The following MARCHF8 variants were observed in gnomAD, a reference collection of about 807,000 sequenced individuals.
MARCHF8 encodes the protein membrane associated ring-CH-type finger 8.
MARCHF8 carries 40 observed loss-of-function variants against 51.6 expected under a neutral mutation model. The ratio of observed to expected loss-of-function variants is 0.77; its 90% CI spans 0.60 to 1.01. MARCHF8 has a LOEUF of 1.01. MARCHF8 is among the 50% of genes least tolerant of loss of function. MARCHF8 has a pLI of 0.00. For synonymous variants in MARCHF8, 263 were observed against 280.3 expected, an observed-to-expected ratio of 0.94 and a Z score of 0.62; for missense variants, 685 against 708.6, an observed-to-expected ratio of 0.97 and a Z score of 0.38.
Position 45,463,417 on chromosome 10 carries a change from C to T in MARCHF8, c.822G>A (p.Leu274=), listed in dbSNP as rs1482272191. The change falls in exon 5 of 8, where the codon CTG becomes CTA. Residue 274 remains leucine, a synonymous_variant. Coordinates refer to ENST00000453424, the MANE Select transcript of MARCHF8 (RefSeq NM_001282866.2). ...AGCTCTCCAGCTCATGGAACCTGTG[C>T]AGGCTGCTGGCGCTCAAGCCGTGCG... The part of the protein sequence containing the change: ...SLSHGLSASS[L]HRFHELESCA... 1.8e-5 allele frequency: 28 copies of T among 1,550,646 alleles called. No homozygotes were observed. The highest frequency in any genetic ancestry group is 5.9e-5 in the Admixed American group (3 of 51,014).
upstream of MARCHF8, among the ~76,000 whole-genome samples, chr10:45,538,749 T>A (rs2044009609): frequency 6.6e-6 from 1 of 152,166 alleles, no homozygotes; most frequent in African/African-American, 2.4e-5. Flanking sequence ...AAGGGATCAA[T>A]TCAACAAGAA....
intron 2 of MARCHF8, among the ~76,000 whole-genome samples, chr10:45,499,673 T>C (rs529931697): frequency 3.3e-5 from 5 of 152,292 alleles, no homozygotes; most frequent in African/African-American, 1.2e-4. Flanking sequence ...CCCACCAATA[T>C]CATTTGTTGA....
chr10:45,542,517 C>T (rs2044068167), intron 1 of MARCHF8, among the ~76,000 whole-genome samples: 1 of 152,002 alleles, frequency 6.6e-6, no homozygotes, highest in Non-Finnish European at 1.5e-5. Flanking sequence ...CTCCAAGCCT[C>T]GATGGGAGTA....
At chr10:45,497,358 T>G (rs949732575) in intron 2 of MARCHF8, among the ~76,000 whole-genome samples, 1 of 152,108 alleles carries the variant, frequency 6.6e-6, no homozygotes, top group Admixed American at 6.6e-5. Flanking sequence ...ACTTGCAGAC[T>G]TCAAAATCCT....
chr10:45,551,438 A>G (rs1281053814), intron 1 of MARCHF8, among the ~76,000 whole-genome samples: 1 of 151,672 alleles, frequency 6.6e-6, no homozygotes, highest in Non-Finnish European at 1.5e-5. Flanking sequence ...GGGTTTCACT[A>G]TGTTGCCTAG....
chr10:45,475,407 G>C (rs1278488604), intron 3 of MARCHF8, among the ~76,000 whole-genome samples: 5 of 83,328 alleles, frequency 6.0e-5, no homozygotes, highest in East Asian at 2.7e-4. Context: ...TGCATCCCCG[G>C]GGGGGGCTGA....
At chr10:45,538,779 T>C (rs1434497114), upstream of MARCHF8, among the ~76,000 whole-genome samples, 1 of 152,316 alleles carries the variant, frequency 6.6e-6, no homozygotes. Flanking sequence ...ATCCTAAATA[T>C]ATATGCACCC....
intron 2 of MARCHF8, among the ~76,000 whole-genome samples, chr10:45,515,943 G>T (rs2043611025): frequency 6.6e-6 from 1 of 152,176 alleles, no homozygotes; most frequent in African/African-American, 2.4e-5. Flanking sequence ...TCAACATTCT[G>T]TAATCCCCTC....
chr10:45,575,513 A>G (rs1209729580), intron 1 of MARCHF8, among the ~76,000 whole-genome samples: 1 of 152,102 alleles, frequency 6.6e-6, no homozygotes, highest in Non-Finnish European at 1.5e-5. Context: ...ACAACCCCAC[A>G]ATATCACCTC....
intron 3 of MARCHF8, among the ~76,000 whole-genome samples, chr10:45,474,965 C>T (rs2042759789): frequency 1.3e-5 from 2 of 152,148 alleles, no homozygotes; most frequent in Non-Finnish European, 1.5e-5. Context: ...GGAGGGAGCT[C>T]GTGATGGGTC....
At chr10:45,536,835 A>AAATAATAATAAT (rs60341718), upstream of MARCHF8, among the ~76,000 whole-genome samples, 281 of 134,818 alleles carry the variant, frequency 2.1e-3, 1 homozygote, top group Admixed American at 3.6e-3. Flanking sequence ...ATCTCTACCA[A>AAATAATAATAAT]AATAATAATA....
intron 1 of MARCHF8, among the ~76,000 whole-genome samples, chr10:45,543,804 A>G (rs1201882393): frequency 3.3e-5 from 5 of 151,038 alleles, no homozygotes; most frequent in Non-Finnish European, 7.4e-5. Context: ...TCTCAAAAAA[A>G]AAAAAAAAAA....
chr10:45,588,767 G>C (rs903274728), intron 1 of MARCHF8, among the ~76,000 whole-genome samples: 1 of 152,116 alleles, frequency 6.6e-6, no homozygotes, highest in Non-Finnish European at 1.5e-5. Flanking sequence ...GGGAGGCCAA[G>C]GTGGGTGGAT....
chr10:45,534,902 C>T (rs1466634886), intron 1 of MARCHF8, among the ~76,000 whole-genome samples: 1 of 152,096 alleles, frequency 6.6e-6, no homozygotes, highest in Non-Finnish European at 1.5e-5. Context: ...GAAATGGCTT[C>T]CTTCACACAA....
intron 3 of MARCHF8, among the ~76,000 whole-genome samples, chr10:45,469,677 A>G (rs1169633271): frequency 6.6e-6 from 1 of 151,944 alleles, no homozygotes; most frequent in African/African-American, 2.4e-5. Context: ...CATCCTGGCT[A>G]ACACGGTGAA....
chr10:45,531,474 T>A (rs967594471), intron 2 of MARCHF8, among the ~76,000 whole-genome samples: 7 of 152,218 alleles, frequency 4.6e-5, no homozygotes, highest in Non-Finnish European at 8.8e-5. Context: ...AGTATTTTTT[T>A]AAATATATTC....
intron 2 of MARCHF8, among the ~76,000 whole-genome samples, chr10:45,506,267 T>C (rs984367732): frequency 1.3e-5 from 2 of 152,220 alleles, no homozygotes; most frequent in Non-Finnish European, 2.9e-5. Context: ...TGGGACCAGT[T>C]TAATATTTAT....
chr10:45,492,752 T>C (rs1322336585), intron 2 of MARCHF8, among the ~76,000 whole-genome samples: 1 of 152,248 alleles, frequency 6.6e-6, no homozygotes, highest in Non-Finnish European at 1.5e-5. Flanking sequence ...TGTGAACAAC[T>C]GTGTCAGGCA....
At chr10:45,470,743 A>ACGGTCAACT (rs1223196780) in intron 3 of MARCHF8, among the ~76,000 whole-genome samples, 5 of 152,122 alleles carry the variant, frequency 3.3e-5, no homozygotes, top group African/African-American at 1.2e-4. Context: ...TCTGCTCCTA[A>ACGGTCAACT]CGGTCAACTC....
Sources: allele counts gnomAD v4.1 joint callset (sites outside exome capture counted in the v4.1 genomes callset), GRCh38; gene constraint gnomAD v4.1.1; transcripts MANE v1.5; gene names NCBI Gene and HGNC (gene_info 2026-07-23, HGNC 2026-07-21).